Variants in BICD1 observed in about 807,000 individuals in gnomAD.
BICD1 encodes BICD cargo adaptor 1.
Under a neutral mutation model 92.5 loss-of-function variants are expected in BICD1, and 35 were observed. The observed-to-expected ratio is 0.38, with a 90% CI of 0.29 to 0.50. BICD1 has a LOEUF of 0.50. Ranked by LOEUF, BICD1 falls within the 20% of genes least tolerant of loss-of-function variation. The pLI is 0.93. For synonymous variants in BICD1, 429 were observed against 465.1 expected (o/e 0.92, Z 1.00); for missense variants, 950 against 1,189.8 (o/e 0.80, Z 2.97).
rs967821196 is a variant in BICD1 at position 32,331,519 on chromosome 12, A to G, written c.2100+2964A>G. ...TGGACATTTGCATATATACATAATG[A>G]GTTATCTTGGGGATGGGATCCAGGT... On this transcript the variant is annotated intron_variant, in intron 5 of 9. Transcript: ENST00000652176. Among the ~76,000 whole-genome samples, 78 of 152,176 alleles carry G rather than the reference A, an allele frequency of 5.1e-4. 1 individual carries two copies. Among genetic ancestry groups the G allele is most frequent in the African/African-American group, 1.8e-3 (75 of 41,444 alleles).
chr12:32,282,904 GGATT>G (rs1006457839), intron 2 of BICD1, among the ~76,000 whole-genome samples: 79 of 152,280 alleles, frequency 5.2e-4, no homozygotes, highest in African/African-American at 1.9e-3. Context: ...TTCTTTGGGA[GGATT>G]GAGGAGGAAT....
chr12:32,307,178 A>C (rs779507684), intron 4 of BICD1, among the ~76,000 whole-genome samples: 2 of 152,230 alleles, frequency 1.3e-5, no homozygotes, highest in Non-Finnish European at 2.9e-5. Context: ...TACATTTCAC[A>C]GGAATACTTG....
At chr12:32,332,497 C>T (rs1220071106) in intron 5 of BICD1, 1 of 943,198 alleles carries the variant, frequency 1.1e-6, no homozygotes, top group East Asian at 1.2e-4. Flanking sequence ...TATGAAGCAC[C>T]GTCCATCTAG....
At chr12:32,163,291 C>T (rs953022154) in intron 1 of BICD1, among the ~76,000 whole-genome samples, 1 of 151,968 alleles carries the variant, frequency 6.6e-6, no homozygotes, top group African/African-American at 2.4e-5. Context: ...TTATTATGTA[C>T]TAGGGTACTG....
At chr12:32,137,080 G>A (rs1001661432) in intron 1 of BICD1, among the ~76,000 whole-genome samples, 2 of 151,976 alleles carry the variant, frequency 1.3e-5, no homozygotes, top group Non-Finnish European at 2.9e-5. Context: ...TTTTTTTGTT[G>A]TTGTTGTTTT....
intron 2 of BICD1, among the ~76,000 whole-genome samples, chr12:32,223,379 A>G (rs1460579087): frequency 1.3e-5 from 2 of 152,164 alleles, no homozygotes; most frequent in African/African-American, 2.4e-5. Context: ...TTAGCTGGGC[A>G]TGGTGGCGAA....
intron 2 of BICD1, among the ~76,000 whole-genome samples, chr12:32,260,507 G>T (rs923944489): frequency 6.6e-6 from 1 of 152,156 alleles, no homozygotes; most frequent in Non-Finnish European, 1.5e-5. Context: ...GCATGTGTGT[G>T]TGTCTGCATT....
At chr12:32,368,962 G>A (rs1462588958) in intron 9 of BICD1, among the ~76,000 whole-genome samples, 1 of 152,198 alleles carries the variant, frequency 6.6e-6, no homozygotes, top group African/African-American at 2.4e-5. Context: ...GTATAAAAGT[G>A]TTTCTGTGTT....
At chr12:32,367,990 T>C in intron 9 of BICD1, 2 of 442,218 alleles carry the variant, frequency 4.5e-6, no homozygotes, top group Admixed American at 7.1e-5. Context: ...TTCAGCCCCT[T>C]TGTCTGTGTA....
At chr12:32,120,630 T>C (rs567150468) in intron 1 of BICD1, among the ~76,000 whole-genome samples, 2 of 152,300 alleles carry the variant, frequency 1.3e-5, no homozygotes, top group Non-Finnish European at 2.9e-5. Context: ...TTAGGAGATA[T>C]CTTGAAGTTG....
At chr12:32,181,312 G>T (rs983410108) in intron 1 of BICD1, among the ~76,000 whole-genome samples, 2 of 151,498 alleles carry the variant, frequency 1.3e-5, no homozygotes, top group African/African-American at 4.8e-5. Flanking sequence ...CCTAGCCACC[G>T]GGGAGGCTGA....
chr12:32,362,541 T>G (rs773148713), intron 8 of BICD1, among the ~76,000 whole-genome samples: 1 of 152,190 alleles, frequency 6.6e-6, no homozygotes, highest in Non-Finnish European at 1.5e-5. Context: ...CATTTTGCTT[T>G]GTATTTTTGA....
intron 2 of BICD1, among the ~76,000 whole-genome samples, chr12:32,224,798 T>G (rs868442121): frequency 6.6e-5 from 10 of 152,272 alleles, no homozygotes; most frequent in Middle Eastern, 3.4e-3. Context: ...ACCTCCCAGA[T>G]TCAAGCGATT....
At chr12:32,340,542 A>G (rs1212834300) in intron 8 of BICD1, 1 of 913,162 alleles carries the variant, frequency 1.1e-6, no homozygotes, top group Non-Finnish European at 1.3e-6. Flanking sequence ...AATAACTCCT[A>G]TTGCTGTTTA....
intron 9 of BICD1, among the ~76,000 whole-genome samples, chr12:32,375,956 C>G (rs779829604): frequency 1.9e-4 from 29 of 152,152 alleles, no homozygotes; most frequent in Non-Finnish European, 2.4e-4. Context: ...TCAAACATCA[C>G]TTCTGGTAGA....
At position 32,188,994 on chromosome 12, in the gene BICD1, C is replaced by A. The variant is rs144179020; in HGVS notation, c.214-27253C>A. On this transcript the variant is annotated intron_variant, in intron 1 of 9. Coordinates refer to ENST00000652176, the MANE Select transcript of BICD1 (RefSeq NM_001714.4). ...CAGTACCAAAGTTATTTTTCTTGAA[C>A]CTTCTCACTAAGTATCTTTATCGCA... Among the ~76,000 whole-genome samples, 376 of 152,288 alleles carry A rather than the reference C, an allele frequency of 2.5e-3. 2 individuals carry two copies. The highest frequency in any genetic ancestry group is 8.5e-3 in the African/African-American group (354 of 41,562).
chr12:32,326,907 G>A (rs261891), intron 4 of BICD1, among the ~76,000 whole-genome samples: 74,106 of 152,004 alleles, frequency 0.49, 18,450 homozygotes, highest in Middle Eastern at 0.54. Flanking sequence ...ACTATCAAAT[G>A]TAGTGCGTGT....
chr12:32,163,465 TG>T (rs1943659713), intron 1 of BICD1, among the ~76,000 whole-genome samples: 1 of 152,202 alleles, frequency 6.6e-6, no homozygotes, highest in African/African-American at 2.4e-5. Context: ...ACAGGGCTGT[TG>T]GTAGCAAAGT....
chr12:32,255,994 CACTT>C (rs1417713308), intron 2 of BICD1, among the ~76,000 whole-genome samples: 1 of 152,012 alleles, frequency 6.6e-6, no homozygotes, highest in Non-Finnish European at 1.5e-5. Context: ...AGATATTGAA[CACTT>C]ACTATTTGCA....
Sources: gnomAD v4.1 joint callset for allele counts (sites outside exome capture counted in the v4.1 genomes callset) on GRCh38, gnomAD v4.1.1 for gene constraint, MANE v1.5 for transcripts, NCBI Gene and HGNC (gene_info 2026-07-23, HGNC 2026-07-21) for gene names.